Variants in FAS observed in about 807,000 individuals in gnomAD.
FAS encodes the protein Fas cell surface death receptor.
In FAS, 5 loss-of-function variants were observed where a neutral mutation model predicts 33.2. The ratio of observed to expected loss-of-function variants is 0.15; its 90% CI spans 0.08 to 0.32. The LOEUF (loss-of-function observed/expected upper bound fraction) is 0.32. Ranked by LOEUF, FAS falls within the 10% of genes least tolerant of loss-of-function variation. The pLI, the probability that FAS is intolerant of heterozygous loss-of-function variation, is 1.00. For missense variants in FAS, 339 were observed against 386.0 expected, an observed-to-expected ratio of 0.88 and a Z score of 1.02; for synonymous variants, 131 against 130.7, an observed-to-expected ratio of 1.00 and a Z score of -0.01.
At chr10:88,999,177 T>A (rs11591677) in intron 1 of FAS, among the ~76,000 whole-genome samples, 7,388 of 59,836 alleles carry the variant, frequency 0.12, 261 homozygotes, top group Non-Finnish European at 0.17. Flanking sequence ...ATAAATAAAA[T>A]AAAATAAAAT....
At chr10:89,006,099 C>T (rs867027616) in intron 2 of FAS, among the ~76,000 whole-genome samples, 41 of 152,202 alleles carry the variant, frequency 2.7e-4, no homozygotes, top group South Asian at 1.9e-3. Context: ...TTTGGAGGAA[C>T]GAAAGAACCT....
At chr10:88,989,784 T>G (rs796728790), upstream of FAS, among the ~76,000 whole-genome samples, 16 of 152,220 alleles carry the variant, frequency 1.1e-4, no homozygotes, top group African/African-American at 3.6e-4. Context: ...GGTTGCAGAG[T>G]GAGGTGCAGA....
Position 89,012,042 on chromosome 10 carries a change from G to A in FAS, c.612G>A (p.Lys204=), listed in dbSNP as rs1564696736. The change falls in exon 7 of 9, where the codon AAG becomes AAA. Residue 204 remains lysine (K), a synonymous_variant. Coordinates refer to ENST00000652046, the MANE Select transcript of FAS (RefSeq NM_000043.6). ...AGAAAACATGCAGAAAGCACAGAAA[G>A]GAAAACCAAGGTTCTCATGAATCTC... ...EVQKTCRKHR[K]ENQGSHESPT... 6.2e-7 allele frequency: 1 copy of A among 1,613,882 alleles called. No individual in the cohort carries two copies.
rs72552380 is a variant in FAS, at chr10:89,011,865, G to A, written c.569-134G>A. On this transcript the variant is annotated intron_variant, in intron 6 of 8. Transcript: ENST00000652046. ...AGTTCCAAAATCAGCGGTCTCCTGCGATGTTTGGCCACTTTTAAGTTTCAC... is the reference window on the plus strand; with the variant it reads ...AGTTCCAAAATCAGCGGTCTCCTGCAATGTTTGGCCACTTTTAAGTTTCAC... The A allele has an allele frequency of 5.8e-5, 46 of 790,844 alleles. No homozygotes were observed. In the East Asian group the frequency reaches 8.6e-4, roughly 15 times the overall value. 49.0% of individuals were successfully genotyped at this position (790,844 alleles called of 1,614,324 possible). A position where few individuals can be genotyped will look rare whatever the true frequency, so the allele number is the denominator to read the frequency against.
upstream of FAS, among the ~76,000 whole-genome samples, chr10:88,988,416 GTTTTT>G (rs748275082): frequency 1.6e-4 from 2 of 12,482 alleles, no homozygotes; most frequent in Admixed American, 7.7e-4. Context: ...AGATGTAGAA[GTTTTT>G]TTTTTTTTTT....
chr10:88,996,955 G>T (rs1847636344), intron 1 of FAS, among the ~76,000 whole-genome samples: 1 of 152,072 alleles, frequency 6.6e-6, no homozygotes, highest in Non-Finnish European at 1.5e-5. Context: ...GGACTCTATA[G>T]CCCTTACATT....
At chr10:89,007,240 C>T (rs555928588) in intron 2 of FAS, among the ~76,000 whole-genome samples, 3 of 152,322 alleles carry the variant, frequency 2.0e-5, no homozygotes, top group East Asian at 1.9e-4. Context: ...CCTTATTACA[C>T]TGTTTCTTAT....
At position 89,003,188 on chromosome 10, in the gene FAS, C is replaced by T; in HGVS notation, c.190C>T (p.Pro64Ser). 1 of 1,614,034 alleles carries T rather than the reference C, an allele frequency of 6.2e-7. No homozygotes were observed. The highest frequency in any genetic ancestry group is 2.2e-5 in the East Asian group (1 of 44,880). ...HDGQFCHKPC[P>S]PGERKARDCT... ...TGGCCAATTCTGCCATAAGCCCTGTCCTCCAGGTATGTTACACAAAACATC... is the reference window on the plus strand; with the variant it reads ...TGGCCAATTCTGCCATAAGCCCTGTTCTCCAGGTATGTTACACAAAACATC... Residue 64 changes from proline to serine, a missense_variant, in exon 2 of 9, where the codon CCT (proline) becomes TCT (serine). Pro to Ser is a moderately conservative substitution (Grantham distance 74). Transcript: ENST00000652046.
At chr10:88,966,666 T>C (rs987335287) in intron 1 of FAS, among the ~76,000 whole-genome samples, 1 of 152,190 alleles carries the variant, frequency 6.6e-6, no homozygotes, top group Non-Finnish European at 1.5e-5. Context: ...CTACTGGCTG[T>C]CTGTGTTTGG....
rs1425080330 is a variant in FAS at position 89,014,931 on chromosome 10, C to G, written c.*481C>G. 2 of 534,824 alleles carry G rather than the reference C, an allele frequency of 3.7e-6. No individual in the cohort carries two copies. Among genetic ancestry groups the G allele is most frequent in the Non-Finnish European group, 7.2e-6 (2 of 276,782 alleles). 33.1% of individuals were successfully genotyped at this position (534,824 alleles called of 1,614,324 possible). ...CTAGAGATTTTACCATATTTCTAAA[C>G]TTTGTTTATAACTCTGAGAAGATCA... is the stretch of plus-strand genomic sequence containing the variant. On this transcript the variant is annotated 3_prime_UTR_variant, in exon 9 of 9. Transcript: ENST00000652046.
intron 1 of FAS, among the ~76,000 whole-genome samples, chr10:88,994,434 T>C (rs552819517): frequency 2.2e-4 from 33 of 152,152 alleles, no homozygotes; most frequent in South Asian, 8.3e-4. Flanking sequence ...AATAACACAA[T>C]TTAAAACTTG....
intron 1 of FAS, among the ~76,000 whole-genome samples, chr10:88,997,488 G>A (rs9658702): frequency 0.074 from 11,200 of 152,142 alleles, 537 homozygotes; most frequent in African/African-American, 0.12. Context: ...AAAGAAAGAG[G>A]ACATCCCTGG....
At chr10:88,998,083 T>C (rs1426427190) in intron 1 of FAS, among the ~76,000 whole-genome samples, 1 of 152,192 alleles carries the variant, frequency 6.6e-6, no homozygotes, top group African/African-American at 2.4e-5. Flanking sequence ...CTATAGTTCA[T>C]TCCTTATATT....
At position 89,014,331 on chromosome 10, in the gene FAS, G is replaced by T; in HGVS notation, c.889G>T (p.Asp297Tyr). 1 of 1,613,866 alleles carries T rather than the reference G, an allele frequency of 6.2e-7. No homozygotes were observed. The highest frequency in any genetic ancestry group is 2.2e-5 in the East Asian group (1 of 44,846). ...KKEAYDTLIK[D>Y]LKKANLCTLA... Reference sequence around the variant, plus strand: ...AGAAGCGTATGACACATTGATTAAAGATCTCAAAAAAGCCAATCTTTGTAC... The same window carrying T: ...AGAAGCGTATGACACATTGATTAAATATCTCAAAAAAGCCAATCTTTGTAC... The change falls in exon 9 of 9, where the codon GAT becomes TAT. Residue 297 changes from aspartate to tyrosine, a missense_variant. This residue lies in a region of FAS where 52 missense variants were observed against 52.7 expected (regional missense o/e 0.99). Transcript: ENST00000652046.
intron 2 of FAS, among the ~76,000 whole-genome samples, chr10:88,975,717 A>G (rs1027435181): frequency 6.6e-6 from 1 of 152,126 alleles, no homozygotes; most frequent in Non-Finnish European, 1.5e-5. Context: ...TGGCCTCTTA[A>G]TAAATATTCG....
At chr10:88,982,733 T>C (rs1229835365), upstream of FAS, among the ~76,000 whole-genome samples, 1 of 152,204 alleles carries the variant, frequency 6.6e-6, no homozygotes, top group African/African-American at 2.4e-5. Context: ...TAAGTAAAAA[T>C]TCAGCCTAAG....
In FAS at chr10:88,990,822, C is replaced by T. The variant is rs781717166; in HGVS notation, c.-55C>T. ...CCTCTTCTCCCGCGGGTTGGTGGAC[C>T]CGCTCAGTACGGAGTTGGGGAAGCT... On this transcript the variant is annotated 5_prime_UTR_variant, in exon 1 of 9. Transcript: ENST00000652046. The surrounding 1 kb of genome is among the most constrained non-coding windows in gnomAD (Gnocchi z 4.9). 6 of 1,612,826 alleles carry T rather than the reference C, an allele frequency of 3.7e-6. No individual in the cohort carries two copies. In the East Asian group the frequency reaches 1.1e-4, roughly 30 times the overall value.
intron 1 of FAS, among the ~76,000 whole-genome samples, chr10:88,997,152 A>G (rs559626821): frequency 9.8e-5 from 15 of 152,322 alleles, no homozygotes; most frequent in African/African-American, 3.6e-4. Context: ...TGCTTCCTCT[A>G]ACCTAGTTGC....
upstream of FAS, among the ~76,000 whole-genome samples, chr10:88,990,297 G>A (rs763293284): frequency 6.6e-6 from 1 of 152,170 alleles, no homozygotes; most frequent in Non-Finnish European, 1.5e-5. This position sits in a 1 kb window ranked among gnomAD's most constrained non-coding sequence, Gnocchi z 4.9. Flanking sequence ...CCAGCAATTA[G>A]CCAAGGCTCC....
Sources: gnomAD v4.1 joint callset for allele counts (sites outside exome capture counted in the v4.1 genomes callset) on GRCh38, gnomAD v4.1.1 for gene constraint, gnomAD v4.1.1 regional missense constraint, Gnocchi (gnomAD v3.1) non-coding constraint, MANE v1.5 for transcripts, NCBI Gene and HGNC (gene_info 2026-07-23, HGNC 2026-07-21) for gene names.